The following MAGI2 variants were observed in gnomAD, a reference collection of about 807,000 sequenced individuals.
MAGI2 encodes membrane associated guanylate kinase, WW and PDZ domain containing 2.
In MAGI2, 35 loss-of-function variants were observed where a neutral mutation model predicts 133.3. The observed-to-expected ratio is 0.26, with a 90% confidence interval of 0.20 to 0.35. The LOEUF (loss-of-function observed/expected upper bound fraction) is 0.35, where lower values mean the gene tolerates loss of function less well. Among genes scored for constraint, MAGI2 ranks in the 10% least tolerant of loss-of-function variants. The pLI is 1.00. For synonymous variants in MAGI2, 729 were observed against 710.6 expected, an observed-to-expected ratio of 1.03 and a Z score of -0.41; for missense variants, 1,636 against 1,863.4, an observed-to-expected ratio of 0.88 and a Z score of 2.25.
intron 21 of MAGI2, among the ~76,000 whole-genome samples, chr7:78,060,223 AT>A (rs1197157124): frequency 1.0e-5 from 1 of 97,074 alleles, no homozygotes; most frequent in Non-Finnish European, 2.0e-5. Context: ...TAGGCAGGAA[AT>A]TATTTAAAAA....
chr7:78,631,079 A>G (rs2150964253), intron 2 of MAGI2, among the ~76,000 whole-genome samples: 1 of 152,292 alleles, frequency 6.6e-6, no homozygotes, highest in Admixed American at 6.5e-5. Flanking sequence ...CATGGAAGCC[A>G]CATTGTTTGA....
chr7:78,927,212 G>A (rs1028373854), intron 2 of MAGI2, among the ~76,000 whole-genome samples: 1 of 152,076 alleles, frequency 6.6e-6, no homozygotes, highest in Admixed American at 6.6e-5. Flanking sequence ...TGTAGCCTTA[G>A]TTGGGCCACT....
intron 9 of MAGI2, among the ~76,000 whole-genome samples, chr7:78,322,692 T>C (rs1174634719): frequency 2.0e-5 from 3 of 152,104 alleles, no homozygotes; most frequent in African/African-American, 4.8e-5. Flanking sequence ...CAAACTACCA[T>C]GGCACATGTA....
chr7:78,320,951 A>C (rs1450670105), intron 9 of MAGI2, among the ~76,000 whole-genome samples: 2 of 152,206 alleles, frequency 1.3e-5, no homozygotes, highest in African/African-American at 4.8e-5. Flanking sequence ...CAATGTGCAA[A>C]AATCACAAGC....
At chr7:79,065,749 T>C (rs1467449878) in intron 1 of MAGI2, among the ~76,000 whole-genome samples, 1 of 151,984 alleles carries the variant, frequency 6.6e-6, no homozygotes, top group Non-Finnish European at 1.5e-5. Context: ...TGTGATGTTC[T>C]CATCCATGTG....
chr7:78,132,774 C>T (rs909825907), intron 18 of MAGI2, 115 bp downstream of exon 18: 22 of 1,474,574 alleles, frequency 1.5e-5, no homozygotes, highest in Non-Finnish European at 2.0e-5. Flanking sequence ...GTATGCACGG[C>T]GATTTCTACT....
At chr7:78,433,417 T>C (rs1799978900) in intron 6 of MAGI2, among the ~76,000 whole-genome samples, 1 of 152,074 alleles carries the variant, frequency 6.6e-6, no homozygotes, top group South Asian at 2.1e-4. Context: ...TCTATATTCT[T>C]CTTGGTTTCA....
intron 1 of MAGI2, among the ~76,000 whole-genome samples, chr7:79,174,314 T>C (rs1052035815): frequency 2.6e-5 from 4 of 152,074 alleles, no homozygotes; most frequent in Non-Finnish European, 4.4e-5. Context: ...TTAAGATTAC[T>C]ATAATAAATT....
rs1808097203 is a variant in MAGI2 at position 78,019,555 on chromosome 7, CTCGGAGCCCGCCGCCGCACGGGGCG to C, written c.4103_4127del (p.Ala1368GlyfsTer98). 4.1e-6 allele frequency: 4 copies of C among 980,458 alleles called. No homozygotes were observed. The South Asian group carries it at 1.8e-4, about 44-fold the overall frequency. The allele number at this position is 980,458 out of a possible 1,614,324, so 60.7% of individuals were successfully genotyped here. The stretch of plus-strand genomic sequence containing the variant: ...CCCCCGGGCCTTCGCGCCGGCAGAG[CTCGGAGCCCGCCGCCGCACGGGGCG>C]CCTCCTTCCCGCCCGCCCGCGCCGC... On this transcript the variant is annotated frameshift_variant, in exon 22 of 22. Transcript: ENST00000354212. LOFTEE classifies it low-confidence loss of function (END_TRUNC).
chr7:78,446,678 A>G (rs777531746), intron 6 of MAGI2, among the ~76,000 whole-genome samples: 8 of 149,268 alleles, frequency 5.4e-5, no homozygotes, highest in Non-Finnish European at 1.0e-4. Flanking sequence ...CCAGAGAAGC[A>G]GCACTCTTTA....
At chr7:78,390,409 T>C (rs1249999348) in intron 6 of MAGI2, among the ~76,000 whole-genome samples, 1 of 152,214 alleles carries the variant, frequency 6.6e-6, no homozygotes, top group African/African-American at 2.4e-5. Context: ...TTGAACATTA[T>C]AAAATTTGTA....
intron 1 of MAGI2, among the ~76,000 whole-genome samples, chr7:79,448,485 C>G (rs1031918822): frequency 6.6e-6 from 1 of 152,030 alleles, no homozygotes; most frequent in Non-Finnish European, 1.5e-5. Context: ...TTATCACCTG[C>G]CAGACACTAC....
At chr7:78,265,473 TAAAC>T (rs961133005) in intron 9 of MAGI2, among the ~76,000 whole-genome samples, 3 of 152,324 alleles carry the variant, frequency 2.0e-5, no homozygotes, top group Admixed American at 6.5e-5. Flanking sequence ...TAGTGAATTT[TAAAC>T]AAAAAGTAGC....
chr7:79,341,120 A>T (rs2129100188), intron 1 of MAGI2, among the ~76,000 whole-genome samples: 1 of 152,314 alleles, frequency 6.6e-6, no homozygotes, highest in Middle Eastern at 3.4e-3. Context: ...TTGAGCACAT[A>T]GCACTTATGT....
chr7:78,601,737 A>G (rs971040154), intron 3 of MAGI2, among the ~76,000 whole-genome samples: 2 of 152,220 alleles, frequency 1.3e-5, no homozygotes, highest in Middle Eastern at 3.2e-3. Flanking sequence ...CCAAATCTGT[A>G]CACTTTGCAA....
chr7:78,853,168 T>G (rs903653052), intron 2 of MAGI2, among the ~76,000 whole-genome samples: 1 of 151,836 alleles, frequency 6.6e-6, no homozygotes. Context: ...CAGTGGCTCA[T>G]GCCTGTAATC....
chr7:79,162,433 G>A (rs1037575908), intron 1 of MAGI2, among the ~76,000 whole-genome samples: 2 of 152,002 alleles, frequency 1.3e-5, no homozygotes, highest in African/African-American at 2.4e-5. Flanking sequence ...TAGGCCCAGG[G>A]ACTATCGAGG....
At chr7:78,035,790 CCTTA>C (rs1369826028) in intron 21 of MAGI2, among the ~76,000 whole-genome samples, 1 of 151,376 alleles carries the variant, frequency 6.6e-6, no homozygotes, top group Non-Finnish European at 1.5e-5. Flanking sequence ...TTAGTCTATC[CCTTA>C]CTTCTTCATG....
chr7:78,666,202 G>C (rs1813562736), intron 2 of MAGI2, among the ~76,000 whole-genome samples: 2 of 152,120 alleles, frequency 1.3e-5, no homozygotes, highest in South Asian at 4.1e-4. Flanking sequence ...CTTTAAAACT[G>C]CTGAGATCAT....
Sources: gnomAD v4.1 joint callset for allele counts (sites outside exome capture counted in the v4.1 genomes callset) on GRCh38, gnomAD v4.1.1 for gene constraint, MANE v1.5 for transcripts, NCBI Gene and HGNC (gene_info 2026-07-23, HGNC 2026-07-21) for gene names.